Variants in SLC25A12 observed in about 807,000 individuals in gnomAD.
SLC25A12 encodes electrogenic aspartate/glutamate antiporter SLC25A12, mitochondrial.
In SLC25A12, 32 loss-of-function variants were observed where a neutral mutation model predicts 83.3. The ratio of observed to expected loss-of-function variants is 0.38; its 90% CI spans 0.29 to 0.52. The LOEUF is 0.52. Ranked by LOEUF, SLC25A12 falls within the 20% of genes least tolerant of loss-of-function variation. The pLI, the probability that SLC25A12 is intolerant of heterozygous loss-of-function variation, is 0.84. For synonymous variants in SLC25A12, 267 were observed against 291.1 expected, an observed-to-expected ratio of 0.92 and a Z score of 0.84; for missense variants, 611 against 835.6, an observed-to-expected ratio of 0.73 and a Z score of 3.31.
intron 2 of SLC25A12, among the ~76,000 whole-genome samples, chr2:171,873,665 C>T (rs1685504202): frequency 6.6e-6 from 1 of 152,006 alleles, no homozygotes; most frequent in Non-Finnish European, 1.5e-5. Flanking sequence ...CTCAATTACC[C>T]ACCCCAGAGG....
At chr2:171,858,229 C>T (rs1372009430) in intron 3 of SLC25A12, among the ~76,000 whole-genome samples, 1 of 152,022 alleles carries the variant, frequency 6.6e-6, no homozygotes, top group Non-Finnish European at 1.5e-5. Context: ...CTAATCTTTC[C>T]TTGATTGTCC....
intron 3 of SLC25A12, among the ~76,000 whole-genome samples, chr2:171,861,245 G>A (rs1176412145): frequency 6.6e-6 from 1 of 151,852 alleles, no homozygotes. Flanking sequence ...AATGTTGGGA[G>A]GAATGAGAGA....
At chr2:171,805,444 T>G (rs142141059) in intron 13 of SLC25A12, among the ~76,000 whole-genome samples, 386 of 152,298 alleles carry the variant, frequency 2.5e-3, no homozygotes, top group African/African-American at 8.7e-3. Flanking sequence ...GCATGAAAGA[T>G]ATCAGGTATT....
rs200093540 is a variant in SLC25A12 at position 171,801,317 on chromosome 2, G to A, written c.1306-7550C>T. On this transcript the variant is annotated intron_variant, in intron 13 of 17. Transcript: ENST00000422440. ...GAAACCTCCAGCATATATTAGCTGTGTAAATTGGGGTAAGAGAGTTAGCCT... is the reference window on the plus strand; with the variant it reads ...GAAACCTCCAGCATATATTAGCTGTATAAATTGGGGTAAGAGAGTTAGCCT... Among the ~76,000 whole-genome samples the A allele has an allele frequency of 1.8e-4, 27 of 152,284 alleles. No homozygotes were observed. The East Asian group carries it at 4.6e-3, about 26-fold the overall frequency.
At chr2:171,844,553 T>C (rs765878120) in intron 4 of SLC25A12, 45 bp from the exon 5 acceptor site, 18 of 1,345,062 alleles carry the variant, frequency 1.3e-5, no homozygotes, top group Non-Finnish European at 1.8e-5. Context: ...CTGGAATAAG[T>C]AGTTTAAACC....
chr2:171,891,811 G>A (rs150523475), intron 2 of SLC25A12, among the ~76,000 whole-genome samples: 146 of 152,304 alleles, frequency 9.6e-4, no homozygotes, highest in Middle Eastern at 3.4e-3. Context: ...GACCATTTCT[G>A]TTATTATAAT....
chr2:171,863,439 T>A (rs564312858), intron 3 of SLC25A12, among the ~76,000 whole-genome samples: 26 of 150,960 alleles, frequency 1.7e-4, no homozygotes, highest in African/African-American at 6.1e-4. Flanking sequence ...GGCAGGAGAA[T>A]CACTTGAACC....
At chr2:171,891,532 G>T (rs1411420662) in intron 2 of SLC25A12, among the ~76,000 whole-genome samples, 4 of 152,132 alleles carry the variant, frequency 2.6e-5, no homozygotes. Context: ...TTAGCCTAAG[G>T]GTACAAGAAC....
At chr2:171,793,991 T>C (rs1683543692) in intron 13 of SLC25A12, among the ~76,000 whole-genome samples, 1 of 152,186 alleles carries the variant, frequency 6.6e-6, no homozygotes, top group African/African-American at 2.4e-5. Flanking sequence ...TCTGGGTTTG[T>C]TTCTAGCTGA....
rs866804415 is a variant in SLC25A12 at position 171,874,418 on chromosome 2, T to C, written c.67-5595A>G. Among the ~76,000 whole-genome samples the C allele has an allele frequency of 1.5e-4, 23 of 152,118 alleles. 1 individual carries two copies. The South Asian group carries it at 4.4e-3, about 29-fold the overall frequency. ...AAATTTAAAAAAAGAAAAAAGAAAATACTAGAAATGGGATTATGGTGATCT... is the reference window on the plus strand; with the variant it reads ...AAATTTAAAAAAAGAAAAAAGAAAACACTAGAAATGGGATTATGGTGATCT... On this transcript the variant is annotated intron_variant, in intron 2 of 17. Coordinates refer to ENST00000422440, the MANE Select transcript of SLC25A12 (RefSeq NM_003705.5).
At chr2:171,787,126 C>G (rs747977722) in intron 17 of SLC25A12, among the ~76,000 whole-genome samples, 141 of 152,264 alleles carry the variant, frequency 9.3e-4, no homozygotes, top group Admixed American at 3.9e-3. Flanking sequence ...GAGTTCGAGA[C>G]CAGCCTGGGC....
chr2:171,825,799 A>C (rs1265544837), intron 9 of SLC25A12, among the ~76,000 whole-genome samples: 1 of 152,222 alleles, frequency 6.6e-6, no homozygotes, highest in Non-Finnish European at 1.5e-5. Context: ...GTGCTATAGA[A>C]GTGGAAGTTT....
chr2:171,874,017 G>C (rs563687553), intron 2 of SLC25A12, among the ~76,000 whole-genome samples: 2 of 151,964 alleles, frequency 1.3e-5, no homozygotes, highest in African/African-American at 2.4e-5. Flanking sequence ...CCTGAGGTCC[G>C]GGAGTTCGAG....
intron 8 of SLC25A12, among the ~76,000 whole-genome samples, chr2:171,827,840 TCTTTG>T (rs1684339700): frequency 6.6e-6 from 1 of 152,234 alleles, no homozygotes; most frequent in Non-Finnish European, 1.5e-5. Flanking sequence ...GATTTATTTT[TCTTTG>T]CTTTGCTTTT....
At chr2:171,853,712 G>A (rs1684987502) in intron 4 of SLC25A12, among the ~76,000 whole-genome samples, 1 of 151,238 alleles carries the variant, frequency 6.6e-6, no homozygotes, top group Non-Finnish European at 1.5e-5. Context: ...GAGATCTAAT[G>A]ACTACAAGCT....
At chr2:171,841,027 T>C (rs1684661774) in intron 5 of SLC25A12, among the ~76,000 whole-genome samples, 1 of 152,254 alleles carries the variant, frequency 6.6e-6, no homozygotes, top group Non-Finnish European at 1.5e-5. Flanking sequence ...TAGAATTCAA[T>C]AACCAGCCAA....
intron 2 of SLC25A12, among the ~76,000 whole-genome samples, chr2:171,885,830 G>T (rs941239299): frequency 6.6e-6 from 1 of 152,228 alleles, no homozygotes; most frequent in East Asian, 1.9e-4. Flanking sequence ...TCCAAATTAT[G>T]CTGGGAAATC....
chr2:171,852,310 A>G (rs1006441198), intron 4 of SLC25A12, among the ~76,000 whole-genome samples: 1 of 152,206 alleles, frequency 6.6e-6, no homozygotes, highest in African/African-American at 2.4e-5. Context: ...ACTTGCAAAG[A>G]TGCACACAGT....
chr2:171,881,226 C>T (rs926707883), intron 2 of SLC25A12, among the ~76,000 whole-genome samples: 3 of 152,004 alleles, frequency 2.0e-5, no homozygotes, highest in African/African-American at 7.3e-5. Flanking sequence ...GATCTCAGCT[C>T]ACTGCAACCA....
Sources: allele counts gnomAD v4.1 joint callset (sites outside exome capture counted in the v4.1 genomes callset), GRCh38; gene constraint gnomAD v4.1.1; transcripts MANE v1.5; gene names NCBI Gene and HGNC (gene_info 2026-07-23, HGNC 2026-07-21).